SPATA16: variants seen among roughly 807,000 people sequenced by gnomAD.
SPATA16 encodes the protein spermatogenesis associated 16, also known as spermatogenesis-associated protein 16.
Under a neutral mutation model 63.3 loss-of-function variants are expected in SPATA16, and 36 were observed. That is an observed-to-expected ratio of 0.57 (90% CI 0.44 to 0.75). The LOEUF (loss-of-function observed/expected upper bound fraction) is 0.75. Among genes scored for constraint, SPATA16 ranks in the 30% least tolerant of loss-of-function variants. SPATA16 has a pLI of 0.00. For missense variants in SPATA16, 646 were observed against 679.3 expected (o/e 0.95, Z 0.54); for synonymous variants, 203 against 216.7 (o/e 0.94, Z 0.56).
At chr3:173,095,069 G>A (rs188602304) in intron 2 of SPATA16, among the ~76,000 whole-genome samples, 32 of 152,238 alleles carry the variant, frequency 2.1e-4, no homozygotes, top group Admixed American at 1.9e-3. Context: ...AAACAGATAT[G>A]CTTGGTTCAA....
At chr3:172,926,319 C>T (rs1248325659) in intron 6 of SPATA16, among the ~76,000 whole-genome samples, 2 of 152,144 alleles carry the variant, frequency 1.3e-5, no homozygotes, top group Non-Finnish European at 2.9e-5. Context: ...GGAAATAATT[C>T]GTGTCATGAA....
At position 172,917,419 on chromosome 3, in the gene SPATA16, G is replaced by T. The variant is rs567003307; in HGVS notation, c.1339-938C>A. On this transcript the variant is annotated intron_variant, in intron 8 of 10. Transcript: ENST00000351008. The stretch of plus-strand genomic sequence containing the variant: ...GGGAATTCAAAAGAGGACTTAGTTT[G>T]GCAATTGCATTTTACATCCTGGTGC... Among the ~76,000 whole-genome samples the T allele has an allele frequency of 7.9e-5, 12 of 152,264 alleles. No individual in the cohort carries two copies. In the South Asian group the frequency reaches 2.5e-3, roughly 32 times the overall value.
At chr3:173,008,322 T>C (rs1734988929) in intron 4 of SPATA16, among the ~76,000 whole-genome samples, 1 of 152,182 alleles carries the variant, frequency 6.6e-6, no homozygotes, top group African/African-American at 2.4e-5. Flanking sequence ...TCCTACTAGA[T>C]GGACTTGCAG....
At chr3:173,025,858 ACT>A (rs1213391669) in intron 3 of SPATA16, among the ~76,000 whole-genome samples, 2 of 151,932 alleles carry the variant, frequency 1.3e-5, no homozygotes, top group Non-Finnish European at 2.9e-5. Context: ...ACTGATGAAC[ACT>A]CTGTTGTTTC....
At chr3:172,971,719 A>G (rs1339697390) in intron 5 of SPATA16, among the ~76,000 whole-genome samples, 1 of 152,080 alleles carries the variant, frequency 6.6e-6, no homozygotes, top group Non-Finnish European at 1.5e-5. Context: ...ACTTAAGAAG[A>G]CTCTGGACAC....
chr3:172,995,157 G>A (rs2108263099), intron 4 of SPATA16, among the ~76,000 whole-genome samples: 1 of 152,070 alleles, frequency 6.6e-6, no homozygotes, highest in East Asian at 1.9e-4. Context: ...TAGAACCTTT[G>A]GAAATACTGT....
chr3:172,997,216 T>G (rs1274889952), intron 4 of SPATA16, among the ~76,000 whole-genome samples: 1 of 152,160 alleles, frequency 6.6e-6, no homozygotes, highest in Non-Finnish European at 1.5e-5. Context: ...TCAAACTGCC[T>G]TCCAGAGTGG....
intron 2 of SPATA16, among the ~76,000 whole-genome samples, chr3:173,049,864 T>C (rs1208714988): frequency 6.6e-6 from 1 of 152,098 alleles, no homozygotes; most frequent in Non-Finnish European, 1.5e-5. Context: ...TCGGCACTTT[T>C]TTTTCCCCTC....
intron 6 of SPATA16, among the ~76,000 whole-genome samples, chr3:172,927,331 A>C (rs1030501275): frequency 1.1e-4 from 17 of 152,256 alleles, no homozygotes; most frequent in Non-Finnish European, 8.8e-5. Flanking sequence ...TGGTTAAGTA[A>C]ACAGTGTATG....
intron 6 of SPATA16, among the ~76,000 whole-genome samples, chr3:172,927,218 G>A (rs1048161659): frequency 6.6e-6 from 1 of 152,068 alleles, no homozygotes; most frequent in Non-Finnish European, 1.5e-5. Context: ...ACTGAACTCT[G>A]TTCTATACCC....
rs761767334 is a variant in SPATA16, at chr3:172,956,681, G to A, written c.1077C>T (p.Tyr359=). ...CTTGAAGATATTGAATCTTACCTGT[G>A]TACATATACTCTGCATATGCAGGAT... ...KTHPAYAEYM[Y]TDLQALHMLP... is the part of the protein sequence containing the mutation. Residue 359 remains tyrosine (Y), a synonymous_variant, in exon 6 of 11, where the codon TAC becomes TAT. Transcript: ENST00000351008. The A allele has an allele frequency of 6.2e-7, 1 of 1,611,104 alleles. No individual in the cohort carries two copies. The highest frequency in any genetic ancestry group is 2.2e-5 in the East Asian group (1 of 44,778).
chr3:173,021,229 G>C (rs1735323532), intron 3 of SPATA16, among the ~76,000 whole-genome samples: 1 of 152,218 alleles, frequency 6.6e-6, no homozygotes, highest in South Asian at 2.1e-4. Context: ...AGTAGAGGAA[G>C]ACGGAACTTT....
intron 6 of SPATA16, among the ~76,000 whole-genome samples, chr3:172,952,744 A>G (rs1049941540): frequency 1.3e-5 from 2 of 152,102 alleles, no homozygotes; most frequent in Non-Finnish European, 2.9e-5. Context: ...GATTGAGACC[A>G]TCCTGGCCAA....
chr3:173,015,861 GGTGTGTGT>G (rs57049586), intron 4 of SPATA16, among the ~76,000 whole-genome samples: 3,256 of 148,830 alleles, frequency 0.022, 123 homozygotes, highest in African/African-American at 0.076. Flanking sequence ...TCCCAAATGG[GGTGTGTGT>G]GTGTGTGTGT....
chr3:173,055,007 T>G (rs1190777588), intron 2 of SPATA16, among the ~76,000 whole-genome samples: 6 of 152,206 alleles, frequency 3.9e-5, no homozygotes, highest in Non-Finnish European at 1.5e-5. Context: ...AGCAACCATT[T>G]CATACATATG....
chr3:173,075,014 G>GAAA (rs1198323792), intron 2 of SPATA16, among the ~76,000 whole-genome samples: 1 of 137,474 alleles, frequency 7.3e-6, no homozygotes, highest in Non-Finnish European at 1.5e-5. Context: ...AAAAAAAAAG[G>GAAA]AAAGAAAAGA....
At chr3:173,098,685 TACAG>T (rs963919759) in intron 2 of SPATA16, among the ~76,000 whole-genome samples, 2 of 152,140 alleles carry the variant, frequency 1.3e-5, no homozygotes, top group Non-Finnish European at 2.9e-5. Flanking sequence ...TTGAGTCACT[TACAG>T]ACAGAAGACT....
intron 5 of SPATA16, 125 bp downstream of exon 5, chr3:172,976,843 G>C (rs1169264884): frequency 2.7e-5 from 21 of 768,244 alleles, no homozygotes; most frequent in Admixed American, 4.0e-5. Context: ...TTATTATTCA[G>C]TACCTTCTTT....
rs1214431276 is a variant in SPATA16 at position 173,062,788 on chromosome 3, G to T, written c.613-13694C>A. 2.6e-5 allele frequency among the ~76,000 whole-genome samples: 4 copies of T among 152,202 alleles called. No individual in the cohort carries two copies. The East Asian group carries it at 7.7e-4, about 29-fold the overall frequency. On this transcript the variant is annotated intron_variant, in intron 2 of 10. Transcript: ENST00000351008. ...ACATTTTTTCCACGGACAGGTTGGA[G>T]GGTGGATGGTTTCGTGACAAAACAG...
Sources: allele counts gnomAD v4.1 joint callset (sites outside exome capture counted in the v4.1 genomes callset), GRCh38; gene constraint gnomAD v4.1.1; transcripts MANE v1.5; gene names NCBI Gene and HGNC (gene_info 2026-07-23, HGNC 2026-07-21).